CUL5: variants seen among roughly 807,000 people sequenced by gnomAD.
The protein encoded by CUL5 is cullin 5, also known as cullin-5.
A neutral mutation model predicts 108.8 loss-of-function variants in CUL5; 26 were observed. That is an observed-to-expected ratio of 0.24 (90% CI 0.18 to 0.33). The LOEUF is 0.33. CUL5 is among the 10% of genes least tolerant of loss of function. The probability of loss-of-function intolerance (pLI) is 1.00; values close to 1 mark genes in which losing one functional copy is unlikely to be tolerated. For synonymous variants in CUL5, 334 were observed against 298.0 expected (o/e 1.12, Z -1.25); for missense variants, 524 against 909.2 (o/e 0.58, Z 5.45).
In CUL5 at chr11:108,106,947, C is replaced by T. The variant is rs1565275730; in HGVS notation, c.*2563C>T. 1 of 150,174 alleles carries T rather than the reference C, an allele frequency of 6.7e-6. No individual in the cohort carries two copies. The highest frequency in any genetic ancestry group is 1.5e-5 in the Non-Finnish European group (1 of 67,708). The allele number at this position is 150,174 out of a possible 1,614,324, so 9.3% of individuals were successfully genotyped here. On this transcript the variant is annotated 3_prime_UTR_variant, in exon 19 of 19. Coordinates refer to ENST00000393094, the MANE Select transcript of CUL5 (RefSeq NM_003478.6). ...TCTTCTAGTTTAAAGACAGAGACAT[C>T]CCATCTGGAAAATGTTAACTTGTGT...
chr11:108,021,806 C>T (rs1252863381), intron 1 of CUL5, among the ~76,000 whole-genome samples: 1 of 149,128 alleles, frequency 6.7e-6, no homozygotes, highest in East Asian at 2.0e-4. Flanking sequence ...ATGAGCCACA[C>T]CGCCCAGTTT....
Position 108,058,245 on chromosome 11 carries a change from CTTTTTTTTTTT to C in CUL5, c.780+3301_780+3311del, listed in dbSNP as rs771714382. 3.8e-4 allele frequency among the ~76,000 whole-genome samples: 38 copies of C among 100,120 alleles called. 1 individual carries two copies. Among genetic ancestry groups the C allele is most frequent in the South Asian group, 7.3e-4 (2 of 2,738 alleles). The allele number at this position is 100,120 out of a possible 152,430, so 65.7% of individuals were successfully genotyped here. A position where few individuals can be genotyped will look rare whatever the true frequency, so the allele number is the denominator to read the frequency against. ...AAAAAAAGAATATTATGAAGAGTGC[CTTTTTTTTTTT>C]TTTTTTTTTTGAAACATAGCCCTGA... On this transcript the variant is annotated intron_variant, in intron 7 of 18. Transcript: ENST00000393094.
At chr11:108,068,603 G>A (rs968528365) in intron 7 of CUL5, among the ~76,000 whole-genome samples, 2 of 151,880 alleles carry the variant, frequency 1.3e-5, no homozygotes, top group African/African-American at 4.8e-5. Flanking sequence ...AATTTTTAAG[G>A]GACACATAAT....
chr11:108,074,635 T>A (rs1863903870), intron 10 of CUL5, among the ~76,000 whole-genome samples: 1 of 151,894 alleles, frequency 6.6e-6, no homozygotes. Flanking sequence ...AGAAACCCCA[T>A]CTCTACTAAA....
intron 3 of CUL5, 52 bp downstream of exon 3, chr11:108,046,421 T>C: frequency 6.9e-6 from 7 of 1,012,844 alleles, no homozygotes; most frequent in East Asian, 2.6e-5. Context: ...TCAGATAATA[T>C]CATATTTTAT....
chr11:108,015,444 T>TA, intron 1 of CUL5, among the ~76,000 whole-genome samples: 1 of 152,342 alleles, frequency 6.6e-6, no homozygotes, highest in Non-Finnish European at 1.5e-5. Context: ...TATGTCTAGT[T>TA]AAACATAAAT....
intron 1 of CUL5, among the ~76,000 whole-genome samples, chr11:108,020,556 G>C (rs532734268): frequency 7.0e-6 from 1 of 143,232 alleles, no homozygotes; most frequent in Non-Finnish European, 1.5e-5. Context: ...TTTGTTTTTT[G>C]TTTAAAATAG....
At position 108,095,072 on chromosome 11, in the gene CUL5, T is replaced by G. The variant is rs551386700; in HGVS notation, c.1743+85T>G. 6.8e-5 allele frequency: 81 copies of G among 1,185,058 alleles called. 1 individual carries two copies. In the South Asian group the frequency reaches 1.2e-3, roughly 17 times the overall value. The allele number at this position is 1,185,058 out of a possible 1,614,324, so 73.4% of individuals were successfully genotyped here. A position where few individuals can be genotyped will look rare whatever the true frequency, so the allele number is the denominator to read the frequency against. On this transcript the variant is annotated intron_variant, in intron 15 of 18. Coordinates refer to ENST00000393094, the MANE Select transcript of CUL5 (RefSeq NM_003478.6). ...CGCAGAATTGCTTAAACAAAATAGA[T>G]TTTTGCCTCTCTCACATGTAAAAGT...
chr11:108,044,294 T>G (rs1214129151), intron 2 of CUL5, among the ~76,000 whole-genome samples: 1 of 152,020 alleles, frequency 6.6e-6, no homozygotes, highest in Non-Finnish European at 1.5e-5. Flanking sequence ...GGCGGGTGGA[T>G]CACTTGAGTT....
intron 11 of CUL5, among the ~76,000 whole-genome samples, chr11:108,086,722 T>C (rs539716481): frequency 6.6e-6 from 1 of 152,346 alleles, no homozygotes; most frequent in African/African-American, 2.4e-5. Flanking sequence ...TTCCTTTCTG[T>C]TTCTTTCACA....
chr11:108,036,842 A>G (rs1862758360), intron 2 of CUL5, among the ~76,000 whole-genome samples: 1 of 152,202 alleles, frequency 6.6e-6, no homozygotes, highest in Non-Finnish European at 1.5e-5. Flanking sequence ...TATAAGAGTA[A>G]CACATTACAG....
intron 1 of CUL5, among the ~76,000 whole-genome samples, chr11:108,012,491 C>T (rs1416213288): frequency 6.7e-6 from 1 of 148,520 alleles, no homozygotes; most frequent in African/African-American, 2.5e-5. Context: ...TCCTCATCTT[C>T]CCCCCAGGAC....
chr11:108,070,059 C>T, intron 7 of CUL5, 37 bp from the exon 8 acceptor site: 1 of 1,362,832 alleles, frequency 7.3e-7, no homozygotes. Flanking sequence ...TGCTATACAG[C>T]TTATAGTAGC....
chr11:108,065,946 G>A (rs1251969158), intron 7 of CUL5, among the ~76,000 whole-genome samples: 2 of 152,060 alleles, frequency 1.3e-5, no homozygotes, highest in Non-Finnish European at 2.9e-5. Flanking sequence ...AGCCTGGTCT[G>A]CATATTTATT....
intron 13 of CUL5, among the ~76,000 whole-genome samples, 198 bp downstream of exon 13, chr11:108,089,821 C>G (rs1864307559): frequency 6.6e-6 from 1 of 152,010 alleles, no homozygotes; most frequent in African/African-American, 2.4e-5. Context: ...AGGTGGATCA[C>G]CTGAAGTCAG....
At chr11:108,098,573 G>GTTTTTT in intron 18 of CUL5, 44 bp downstream of exon 18, 5 of 1,062,928 alleles carry the variant, frequency 4.7e-6, no homozygotes, top group African/African-American at 1.8e-5. Context: ...AAAAACTTTA[G>GTTTTTT]TTTTTTTTTT....
At chr11:108,103,141 G>C (rs1254634318) in intron 18 of CUL5, among the ~76,000 whole-genome samples, 1 of 151,942 alleles carries the variant, frequency 6.6e-6, no homozygotes, top group Non-Finnish European at 1.5e-5. Flanking sequence ...TACTGGAAAA[G>C]GTAAAAGAGA....
intron 7 of CUL5, among the ~76,000 whole-genome samples, chr11:108,062,209 C>G (rs548333510): frequency 6.9e-6 from 1 of 145,866 alleles, no homozygotes; most frequent in South Asian, 2.1e-4. Flanking sequence ...TCTGGAATAT[C>G]CTTAAATACC....
rs191599759 is a variant in CUL5, at chr11:108,037,991, C to T, written c.134+4080C>T. Among the ~76,000 whole-genome samples the T allele has an allele frequency of 7.2e-5, 11 of 152,238 alleles. No homozygotes were observed. The East Asian group carries it at 9.6e-4, about 13-fold the overall frequency. ...GCTGTACACATTGGGCTATTGTAAT[C>T]GTTTTCTCTCTTTATCACTTAAAAT... On this transcript the variant is annotated intron_variant, in intron 2 of 18. Coordinates refer to ENST00000393094, the MANE Select transcript of CUL5 (RefSeq NM_003478.6).
Sources: allele counts gnomAD v4.1 joint callset (sites outside exome capture counted in the v4.1 genomes callset), GRCh38; gene constraint gnomAD v4.1.1; transcripts MANE v1.5; gene names NCBI Gene and HGNC (gene_info 2026-07-23, HGNC 2026-07-21).